Variants in GPC6 observed in about 807,000 individuals in gnomAD.
GPC6 encodes glypican-6.
A neutral mutation model predicts 55.2 loss-of-function variants in GPC6; 14 were observed. The ratio of observed to expected loss-of-function variants is 0.25; its 90% CI spans 0.17 to 0.40. The LOEUF (loss-of-function observed/expected upper bound fraction) is 0.40. Ranked by LOEUF, GPC6 falls within the 10% of genes least tolerant of loss-of-function variation. The probability of loss-of-function intolerance (pLI) is 1.00; values close to 1 mark genes in which losing one functional copy is unlikely to be tolerated. For missense variants in GPC6, 641 were observed against 708.5 expected (o/e 0.90, Z 1.08); for synonymous variants, 278 against 259.6 (o/e 1.07, Z -0.68).
chr13:93,750,750 G>A (rs916695795), intron 2 of GPC6, among the ~76,000 whole-genome samples: 2 of 152,180 alleles, frequency 1.3e-5, no homozygotes, highest in African/African-American at 2.4e-5. Flanking sequence ...CTTGTGAGGC[G>A]CATGATTTTA....
At chr13:93,586,728 C>T (rs1050284155) in intron 2 of GPC6, among the ~76,000 whole-genome samples, 1 of 152,130 alleles carries the variant, frequency 6.6e-6, no homozygotes, top group Non-Finnish European at 1.5e-5. Context: ...GGCTGCAAGA[C>T]TAAAAACGTT....
chr13:93,688,203 G>T (rs1422051554), intron 2 of GPC6, among the ~76,000 whole-genome samples: 1 of 152,022 alleles, frequency 6.6e-6, no homozygotes, highest in African/African-American at 2.4e-5. Context: ...AGAGTGTGGG[G>T]TGGCAGATAC....
chr13:93,732,960 T>C (rs1435478101), intron 2 of GPC6, among the ~76,000 whole-genome samples: 1 of 152,192 alleles, frequency 6.6e-6, no homozygotes, highest in Non-Finnish European at 1.5e-5. Context: ...ATCCAGTGTG[T>C]ATTTTACATT....
chr13:93,296,067 T>TA lies in GPC6; in HGVS notation c.160+68452dup, dbSNP rs1383937184. On this transcript the variant is annotated intron_variant, in intron 1 of 8. Coordinates refer to ENST00000377047, the MANE Select transcript of GPC6 (RefSeq NM_005708.5). ...CCTGATTATGTCCCAAAGGTCCTCC[T>TA]ACCTCTTAAAACAGGGGGATTTCAA... 3.3e-5 allele frequency among the ~76,000 whole-genome samples: 5 copies of TA among 152,148 alleles called. No individual in the cohort carries two copies. In the South Asian group the frequency reaches 6.2e-4, roughly 19 times the overall value.
chr13:93,721,296 A>G (rs1361796424), intron 2 of GPC6, among the ~76,000 whole-genome samples: 1 of 151,820 alleles, frequency 6.6e-6, no homozygotes, highest in African/African-American at 2.4e-5. Context: ...TCCCTTTACC[A>G]TTATGTAATG....
intron 6 of GPC6, among the ~76,000 whole-genome samples, chr13:94,321,300 T>C (rs1876810985): frequency 6.6e-6 from 1 of 152,244 alleles, no homozygotes; most frequent in Non-Finnish European, 1.5e-5. Flanking sequence ...CCACATTTTC[T>C]TTATCCGTTC....
rs56368708 is a variant in GPC6 at position 93,507,061 on chromosome 13, C to CAA, written c.161-38174_161-38173dup. ...TGGGCGACAGAGCGAGACTCCGTCTCAAAAAAAAAAAAAAAAAAAAAAAAA... is the reference window on the plus strand; with the variant it reads ...TGGGCGACAGAGCGAGACTCCGTCTCAAAAAAAAAAAAAAAAAAAAAAAAAAA... On this transcript the variant is annotated intron_variant, in intron 1 of 8. Transcript: ENST00000377047. Among the ~76,000 whole-genome samples the CAA allele has an allele frequency of 2.3e-3, 122 of 52,132 alleles. 10 individuals carry two copies. Among genetic ancestry groups the CAA allele is most frequent in the East Asian group, 0.019 (23 of 1,238 alleles). 34.2% of individuals were successfully genotyped at this position (52,132 alleles called of 152,430 possible).
chr13:93,519,441 C>T (rs574136024), intron 1 of GPC6, among the ~76,000 whole-genome samples: 1 of 152,028 alleles, frequency 6.6e-6, no homozygotes, highest in South Asian at 2.1e-4. Context: ...TAGTACAAGG[C>T]CAAGATAGAA....
At chr13:94,355,025 T>G (rs1878723007) in intron 6 of GPC6, among the ~76,000 whole-genome samples, 1 of 110,248 alleles carries the variant, frequency 9.1e-6, no homozygotes, top group South Asian at 4.0e-4. Context: ...CCAGTGGCTC[T>G]TCTTTTTTTT....
At chr13:93,216,698 T>C in the GPC6 span, among the ~76,000 whole-genome samples, 1,709 of 152,178 alleles carry the variant, frequency 0.011, 30 homozygotes, top group African/African-American at 0.039. Flanking sequence ...TTTTCACCAA[T>C]GTCTGGCTGT....
intron 4 of GPC6, among the ~76,000 whole-genome samples, chr13:94,108,538 A>T (rs1253612140): frequency 2.0e-5 from 3 of 152,158 alleles, no homozygotes; most frequent in African/African-American, 7.2e-5. Flanking sequence ...GAAATAAGAA[A>T]TTTTTAAAAA....
chr13:94,003,355 A>G (rs1881886998), intron 3 of GPC6, among the ~76,000 whole-genome samples: 1 of 152,218 alleles, frequency 6.6e-6, no homozygotes, highest in Admixed American at 6.5e-5. Context: ...TGAATGATGC[A>G]CACTGCTGGA....
chr13:94,145,137 G>GTGGA (rs112864050), intron 4 of GPC6, among the ~76,000 whole-genome samples: 75,325 of 149,810 alleles, frequency 0.5, 19,026 homozygotes, highest in East Asian at 0.75. Flanking sequence ...GGATGGATGG[G>GTGGA]TGGATGGATG....
At chr13:93,314,491 T>C (rs886198951) in intron 1 of GPC6, among the ~76,000 whole-genome samples, 1 of 152,188 alleles carries the variant, frequency 6.6e-6, no homozygotes, top group Admixed American at 6.5e-5. Flanking sequence ...GGTATTCTCA[T>C]GTTTTTCACA....
At chr13:94,096,770 T>A (rs1454319017) in intron 4 of GPC6, among the ~76,000 whole-genome samples, 2 of 152,226 alleles carry the variant, frequency 1.3e-5, no homozygotes, top group Non-Finnish European at 2.9e-5. Context: ...TGTCTCTAGT[T>A]ACAAGCAAAC....
chr13:94,252,240 A>C (rs138150545), intron 4 of GPC6, among the ~76,000 whole-genome samples: 2,625 of 152,260 alleles, frequency 0.017, 70 homozygotes, highest in African/African-American at 0.06. Flanking sequence ...ACTGTTCATC[A>C]TACTGCTTTT....
chr13:93,366,902 C>G lies in GPC6; in HGVS notation c.160+139286C>G, dbSNP rs73544625. On this transcript the variant is annotated intron_variant, in intron 1 of 8. Transcript: ENST00000377047. The stretch of plus-strand genomic sequence containing the variant: ...TAAACTCCTAGTCTGTTTTTTATAA[C>G]TTACACAATTCGTACACTTCCAATT... Among the ~76,000 whole-genome samples the G allele has an allele frequency of 4.9e-3, 744 of 152,138 alleles. 5 individuals are homozygous for G. The highest frequency in any genetic ancestry group is 0.017 in the African/African-American group (708 of 41,540).
intron 1 of GPC6, among the ~76,000 whole-genome samples, chr13:93,347,389 A>C (rs1402077120): frequency 6.6e-6 from 1 of 152,136 alleles, no homozygotes; most frequent in African/African-American, 2.4e-5. Flanking sequence ...GCATTAGCAA[A>C]TACTGTCTAA....
chr13:94,356,012 ATAAG>A (rs961354321), intron 6 of GPC6, among the ~76,000 whole-genome samples: 5 of 151,948 alleles, frequency 3.3e-5, no homozygotes, highest in Admixed American at 3.3e-4. Context: ...GCTCCCACTT[ATAAG>A]TGAGAAAATG....
Sources: gnomAD v4.1 joint callset for allele counts (sites outside exome capture counted in the v4.1 genomes callset) on GRCh38, gnomAD v4.1.1 for gene constraint, MANE v1.5 for transcripts, NCBI Gene and HGNC (gene_info 2026-07-23, HGNC 2026-07-21) for gene names.